Variants in PA2G4 observed in about 807,000 individuals in gnomAD.
PA2G4 encodes proliferation-associated protein 2G4.
In PA2G4, 8 loss-of-function variants were observed where a neutral mutation model predicts 53.3. That is an observed-to-expected ratio of 0.15 (90% confidence interval 0.09 to 0.27). PA2G4 has a LOEUF of 0.27. PA2G4 is among the 10% of genes least tolerant of loss of function. The pLI, the probability that PA2G4 is intolerant of heterozygous loss-of-function variation, is 1.00. For missense variants in PA2G4, 208 were observed against 486.8 expected (o/e 0.43, Z 5.39); for synonymous variants, 143 against 169.8 (o/e 0.84, Z 1.23).
chr12:56,106,791 G>A, intron 2 of PA2G4, 75 bp downstream of exon 2: 3 of 1,520,184 alleles, frequency 2.0e-6, no homozygotes, highest in Non-Finnish European at 2.6e-6. Flanking sequence ...TTTTTTCACT[G>A]TAATGACGCA....
In PA2G4 at chr12:56,106,754, C is replaced by T. The variant is rs778850201; in HGVS notation, c.217+38C>T. ...AATCCCTCACTAATTTTCCGTTTGA[C>T]CCTTATTTGGTCCTATATGTTTTTA... On this transcript the variant is annotated intron_variant, in intron 2 of 12. Coordinates refer to ENST00000303305, the MANE Select transcript of PA2G4 (RefSeq NM_006191.3). 5 of 1,572,922 alleles carry T rather than the reference C, an allele frequency of 3.2e-6. No individual in the cohort carries two copies. The Admixed American group carries it at 5.9e-5, about 19-fold the overall frequency.
intron 5 of PA2G4, 58 bp downstream of exon 5, chr12:56,107,671 A>C: frequency 8.8e-7 from 1 of 1,137,698 alleles, no homozygotes; most frequent in East Asian, 2.4e-5. Flanking sequence ...TTAGGCACCT[A>C]TAGCTACTCT....
chr12:56,111,614 A>G, intron 12 of PA2G4, 85 bp downstream of exon 12: 1 of 1,175,210 alleles, frequency 8.5e-7, no homozygotes, highest in East Asian at 2.3e-5. Flanking sequence ...TGAAATACGG[A>G]TTTTTATACA....
intron 12 of PA2G4, 56 bp from the exon 13 acceptor site, chr12:56,112,767 A>G: frequency 8.5e-7 from 1 of 1,182,150 alleles, no homozygotes; most frequent in South Asian, 1.3e-5. Context: ...GGTCCCAGAC[A>G]TCCCCAAGTA....
At chr12:56,107,349 G>A in intron 4 of PA2G4, 93 bp downstream of exon 4, 1 of 1,120,074 alleles carries the variant, frequency 8.9e-7, no homozygotes, top group East Asian at 2.3e-5. Context: ...CACCACGTAA[G>A]TTGAGAGAGT....
chr12:56,110,754 T>G (rs1042939144), intron 9 of PA2G4, 62 bp downstream of exon 9: 3 of 1,592,926 alleles, frequency 1.9e-6, no homozygotes, highest in African/African-American at 2.7e-5. Flanking sequence ...CCAGGAACAC[T>G]TTTTCCTCTC....
At position 56,104,569 on chromosome 12, in the gene PA2G4, C is replaced by T. The variant is rs764874338; in HGVS notation, c.-169C>T. The T allele has an allele frequency of 2.6e-5, 20 of 756,846 alleles. 2 individuals are homozygous for T. Among genetic ancestry groups the T allele is most frequent in the South Asian group, 2.0e-4 (14 of 71,084 alleles). 46.9% of individuals were successfully genotyped at this position (756,846 alleles called of 1,614,324 possible). Reference sequence around the variant, plus strand: ...CGTGCCCTGCGCCTCAGCCCGCGCGCTCGCAGCTTCTCGCTCTCGCCTGCC... The same window carrying T: ...CGTGCCCTGCGCCTCAGCCCGCGCGTTCGCAGCTTCTCGCTCTCGCCTGCC... On this transcript the variant is annotated 5_prime_UTR_variant, in exon 1 of 13. Transcript: ENST00000303305.
At chr12:56,110,273 T>G in intron 7 of PA2G4, 126 bp from the exon 8 acceptor site, 1 of 650,318 alleles carries the variant, frequency 1.5e-6, no homozygotes, top group Non-Finnish European at 2.7e-6. Context: ...GGCAGGAGAG[T>G]TGCTTGGACC....
At chr12:56,111,582 C>T in intron 12 of PA2G4, 53 bp downstream of exon 12, 1 of 1,478,620 alleles carries the variant, frequency 6.8e-7, no homozygotes, top group South Asian at 1.1e-5. Context: ...ATCCCTCTTT[C>T]TCCCACTGTG....
At chr12:56,110,934 G>C (rs775475301) in intron 9 of PA2G4, 30 bp from the exon 10 acceptor site, 12 of 1,596,036 alleles carry the variant, frequency 7.5e-6, no homozygotes, top group Non-Finnish European at 9.4e-6. Context: ...GGGAGTTAAA[G>C]ATACCTCTGA....
In PA2G4 at chr12:56,104,758, A is replaced by C; in HGVS notation, c.21A>C (p.Gln7His). MSGEDE[Q>H]QEQTIAEDLV... The stretch of plus-strand genomic sequence containing the variant: ...GGAAGATGTCGGGCGAGGACGAGCA[A>C]CAGGAGCAAACTATCGCTGAGGACC... Residue 7 changes from glutamine (Q) to histidine (H), a missense_variant, in exon 1 of 13, where the codon CAA (glutamine) becomes CAC (histidine). Gln to His is a conservative substitution (Grantham distance 24, BLOSUM62 0). Coordinates refer to ENST00000303305, the MANE Select transcript of PA2G4 (RefSeq NM_006191.3). 1 of 1,613,942 alleles carries C rather than the reference A, an allele frequency of 6.2e-7. No individual in the cohort carries two copies. The highest frequency in any genetic ancestry group is 8.5e-7 in the Non-Finnish European group (1 of 1,180,014).
chr12:56,111,001 G>A lies in PA2G4; in HGVS notation c.880G>A (p.Val294Met). 6.2e-7 allele frequency: 1 copy of A among 1,613,382 alleles called. No homozygotes were observed. Among genetic ancestry groups the A allele is most frequent in the African/African-American group, 1.3e-5 (1 of 75,020 alleles). ...TGAGAAGAAGGCTCGGATGGGTGTG[G>A]TGGAGTGCGCCAAACATGAACTGCT... ...EDEKKARMGV[V>M]ECAKHELLQP... Residue 294 changes from valine to methionine, a missense_variant, in exon 10 of 13, where the codon GTG becomes ATG. Transcript: ENST00000303305.
chr12:56,110,834 G>T, intron 9 of PA2G4, 130 bp from the exon 10 acceptor site: 1 of 1,313,720 alleles, frequency 7.6e-7, no homozygotes, highest in Non-Finnish European at 1.1e-6. Context: ...CCTTCTCATT[G>T]AAGGTAATGT....
chr12:56,112,693 C>T, intron 12 of PA2G4, 130 bp from the exon 13 acceptor site: 1 of 651,678 alleles, frequency 1.5e-6, no homozygotes, highest in Non-Finnish European at 2.7e-6. Flanking sequence ...GGAAGTGGTA[C>T]CACTGCACTC....
Position 56,107,678 on chromosome 12 carries a change from C to T in PA2G4, c.486+65C>T, listed in dbSNP as rs1565864260. ...AAGATGCATTAGGCACCTATAGCTA[C>T]TCTATATGAAACTACCAACCTCCCC... On this transcript the variant is annotated intron_variant, in intron 5 of 12. Transcript: ENST00000303305. 3 of 1,085,960 alleles carry T rather than the reference C, an allele frequency of 2.8e-6. No individual in the cohort carries two copies. In the East Asian group the frequency reaches 7.1e-5, roughly 26 times the overall value. 67.3% of individuals were successfully genotyped at this position (1,085,960 alleles called of 1,614,324 possible).
rs1308341926 is a variant in PA2G4 at position 56,112,714 on chromosome 12, AAC to A, written c.1120-107_1120-106del. 7.8e-6 allele frequency: 6 copies of A among 765,710 alleles called. No individual in the cohort carries two copies. In the East Asian group the frequency reaches 1.7e-4, roughly 22 times the overall value. 47.4% of individuals were successfully genotyped at this position (765,710 alleles called of 1,614,324 possible). On this transcript the variant is annotated intron_variant, in intron 12 of 12. Coordinates refer to ENST00000303305, the MANE Select transcript of PA2G4 (RefSeq NM_006191.3). ...GGTACCACTGCACTCCAGCCTGGAA[AAC>A]AGAGTGAGACTGTCTCAGAAAAAAA...
chr12:56,112,228 C>T (rs1011150368), intron 12 of PA2G4, among the ~76,000 whole-genome samples: 1 of 152,236 alleles, frequency 6.6e-6, no homozygotes, highest in Non-Finnish European at 1.5e-5. Context: ...CCTTGACCTG[C>T]TGAGTAGCCA....
chr12:56,111,640 A>G (rs1869427986), intron 12 of PA2G4, 111 bp downstream of exon 12: 2 of 915,006 alleles, frequency 2.2e-6, no homozygotes, highest in East Asian at 2.4e-5. Flanking sequence ...TCCTCAACTT[A>G]TATGATAGAA....
intron 5 of PA2G4, among the ~76,000 whole-genome samples, chr12:56,108,802 G>A (rs972410536): frequency 4.6e-5 from 7 of 152,202 alleles, no homozygotes. Context: ...ACCAGTGAAT[G>A]ACAATCATTG....
Sources: allele counts gnomAD v4.1 joint callset (sites outside exome capture counted in the v4.1 genomes callset), GRCh38; gene constraint gnomAD v4.1.1; transcripts MANE v1.5; gene names NCBI Gene and HGNC (gene_info 2026-07-23, HGNC 2026-07-21).